The following MTOR variants were observed in gnomAD, a reference collection of about 807,000 sequenced individuals.
MTOR encodes mechanistic target of rapamycin kinase.
A neutral mutation model predicts 319.8 loss-of-function variants in MTOR; 70 were observed. The observed-to-expected ratio is 0.22, with a 90% confidence interval of 0.18 to 0.27. The LOEUF is 0.27. Among genes scored for constraint, MTOR ranks in the 10% least tolerant of loss-of-function variants. MTOR has a pLI of 1.00. For missense variants in MTOR, 1,890 were observed against 3,274.4 expected (o/e 0.58, Z 10.32); for synonymous variants, 1,183 against 1,211.4 (o/e 0.98, Z 0.49).
In MTOR at chr1:11,243,152, G is replaced by C. The variant is rs1209500794; in HGVS notation, c.1374C>G (p.Ile458Met). 1 of 1,614,180 alleles carries C rather than the reference G, an allele frequency of 6.2e-7. No individual in the cohort carries two copies. Among genetic ancestry groups the C allele is most frequent in the South Asian group, 1.1e-5 (1 of 91,080 alleles). ...FKVYLPRVLD[I>M]IRAALPPKDF... ...CCTTTGGGGGCAGGGCCGCTCGGAT[G>C]ATGTCCAGCACGCGAGGCAAATAGA... The change falls in exon 9 of 58, where the codon ATC (isoleucine) becomes ATG (methionine). Residue 458 changes from isoleucine (I) to methionine (M), a missense_variant. Ile to Met is a conservative substitution (Grantham distance 10). Transcript: ENST00000361445.
At chr1:11,261,051 C>G (rs931209925) in intron 1 of MTOR, among the ~76,000 whole-genome samples, 1 of 151,802 alleles carries the variant, frequency 6.6e-6, no homozygotes, top group African/African-American at 2.4e-5. Context: ...CTTGGCCTCC[C>G]AAAGTGCTGG....
chr1:11,115,374 G>A lies in MTOR; in HGVS notation c.7089+22C>T, dbSNP rs748799153. The stretch of plus-strand genomic sequence containing the variant: ...GTGATCACCCGGGAAGATGAGGTTG[G>A]GGTTCTAGAACATGTGTTCACCTCA... On this transcript the variant is annotated intron_variant, in intron 51 of 57. Coordinates refer to ENST00000361445, the MANE Select transcript of MTOR (RefSeq NM_004958.4). The surrounding 1 kb of genome is among the most constrained non-coding windows in gnomAD (Gnocchi z 4.5). 6.2e-6 allele frequency: 10 copies of A among 1,611,494 alleles called. No homozygotes were observed. The highest frequency in any genetic ancestry group is 8.5e-6 in the Non-Finnish European group (10 of 1,177,808).
chr1:11,159,202 C>T (rs1644401418), intron 29 of MTOR, among the ~76,000 whole-genome samples: 1 of 152,178 alleles, frequency 6.6e-6, no homozygotes, highest in Admixed American at 6.5e-5. Context: ...AAGGAGAGAA[C>T]ATCTTGATCT....
intron 6 of MTOR, among the ~76,000 whole-genome samples, chr1:11,250,297 T>C (rs374250663): frequency 1.1e-4 from 9 of 84,008 alleles, no homozygotes; most frequent in East Asian, 4.2e-4. Context: ...CCCTCCCAGA[T>C]GGGGCGGCTG....
At chr1:11,178,906 T>A (rs974616582) in intron 28 of MTOR, among the ~76,000 whole-genome samples, 3 of 152,248 alleles carry the variant, frequency 2.0e-5, no homozygotes, top group Non-Finnish European at 4.4e-5. Context: ...CCTAGTGATC[T>A]GGCAGCTTGT....
rs959202846 is a variant in MTOR, at chr1:11,248,102, T to C, written c.841-8A>G. 9 of 1,571,402 alleles carry C rather than the reference T, an allele frequency of 5.7e-6. No homozygotes were observed. The highest frequency in any genetic ancestry group is 2.7e-5 in the African/African-American group (2 of 73,250). ...CATTTCTTCTCTCAGACGCTATATA[T>C]ATGAGGAGGAAAAAAATCATCTTTA... is the stretch of plus-strand genomic sequence containing the variant. On this transcript the variant is annotated splice_region_variant and splice_polypyrimidine_tract_variant and intron_variant, in intron 6 of 57. Transcript: ENST00000361445.
chr1:11,108,361 C>A, intron 56 of MTOR, 75 bp from the exon 57 acceptor site: 9 of 1,115,774 alleles, frequency 8.1e-6, no homozygotes, highest in Non-Finnish European at 1.2e-5. Flanking sequence ...GTGGGCTTAA[C>A]TGTCTATGCC....
intron 53 of MTOR, 23 bp downstream of exon 53, chr1:11,114,295 C>T (rs1226343761): frequency 1.9e-6 from 3 of 1,612,802 alleles, no homozygotes; most frequent in Non-Finnish European, 2.5e-6. Flanking sequence ...GAGCTCAGCT[C>T]CCAGGCACTT....
intron 28 of MTOR, chr1:11,193,798 A>C (rs1245735837): frequency 1.9e-6 from 3 of 1,612,892 alleles, no homozygotes; most frequent in Non-Finnish European, 2.5e-6. Flanking sequence ...CAGGGGCCCC[A>C]TGACTGGACC....
rs555481951 is a variant in MTOR, at chr1:11,234,022, G to A, written c.2331+121C>T. On this transcript the variant is annotated intron_variant, in intron 14 of 57. Coordinates refer to ENST00000361445, the MANE Select transcript of MTOR (RefSeq NM_004958.4). ...TGATATGGCCCTTTGGTCTCCAAGC[G>A]TGAGAGCAAAGAAATCACCTACTTT... 4.1e-4 allele frequency: 581 copies of A among 1,432,196 alleles called. 3 individuals are homozygous for A. Among genetic ancestry groups the A allele is most frequent in the African/African-American group, 1.8e-3 (129 of 71,082 alleles). 88.7% of individuals were successfully genotyped at this position (1,432,196 alleles called of 1,614,324 possible).
rs1192512411 is a variant in MTOR, at chr1:11,139,356, T to C, written c.5078A>G (p.His1693Arg). ...CATGTAGGCATAGGTCACCTGAGGG[T>C]GAACTGTTGGCAGAGGATGGTCAAG... Reference protein sequence around the residue: ...RQLDHPLPTVHPQVTYAYMKN... With the variant: ...RQLDHPLPTVRPQVTYAYMKN... The change falls in exon 36 of 58, where the codon CAC (histidine) becomes CGC (arginine). Residue 1693 changes from histidine (H) to arginine (R), a missense_variant. Around this residue, in one of 15 missense-constraint regions of MTOR, gnomAD observed 276 missense variants for 459.4 expected, o/e 0.60. Coordinates refer to ENST00000361445, the MANE Select transcript of MTOR (RefSeq NM_004958.4). 1.9e-6 allele frequency: 3 copies of C among 1,613,172 alleles called. No homozygotes were observed. The highest frequency in any genetic ancestry group is 3.4e-5 in the Admixed American group (2 of 59,594).
At chr1:11,207,036 T>C (rs138965742) in intron 25 of MTOR, among the ~76,000 whole-genome samples, 15 of 152,354 alleles carry the variant, frequency 9.8e-5, no homozygotes, top group Admixed American at 5.2e-4. Context: ...CAATCCCTAA[T>C]TATCATCACA....
At chr1:11,207,299 G>A (rs1327678651) in intron 25 of MTOR, among the ~76,000 whole-genome samples, 1 of 150,914 alleles carries the variant, frequency 6.6e-6, no homozygotes, top group Non-Finnish European at 1.5e-5. Context: ...GGGGAATTTT[G>A]CCATGTTGCC....
Position 11,212,271 on chromosome 1 carries a change from T to C in MTOR, c.3561+41A>G, listed in dbSNP as rs764642631. ...TCACAGACAAAGTCTTCTTTCCAAA[T>C]AAGGCAGAAGAGCACCTGTCTGTCC... is the stretch of plus-strand genomic sequence containing the variant. On this transcript the variant is annotated intron_variant, in intron 23 of 57. Transcript: ENST00000361445. The surrounding 1 kb of genome is among the most constrained non-coding windows in gnomAD (Gnocchi z 4.1). The C allele has an allele frequency of 6.4e-7, 1 of 1,568,942 alleles. No individual in the cohort carries two copies. The highest frequency in any genetic ancestry group is 8.6e-7 in the Non-Finnish European group (1 of 1,157,010).
intron 4 of MTOR, 88 bp from the exon 5 acceptor site, chr1:11,256,280 C>A (rs1443979492): frequency 1.3e-6 from 2 of 1,512,536 alleles, no homozygotes; most frequent in Non-Finnish European, 1.8e-6. Context: ...TAGAGCCATA[C>A]ACACCAGGAA....
chr1:11,196,200 A>G (rs1432830601), intron 28 of MTOR, among the ~76,000 whole-genome samples: 1 of 152,182 alleles, frequency 6.6e-6, no homozygotes, highest in Non-Finnish European at 1.5e-5. Context: ...TGGGCAGTGA[A>G]GGCATCCAGC....
rs542945027 is a variant in MTOR, at chr1:11,175,998, T to A, written c.4254-8481A>T. ...CCTGACCTCAAATGATCTAACCGCC[T>A]CAGCCTCCCAAAGTGCTGGGATTAC... On this transcript the variant is annotated intron_variant, in intron 28 of 57. Coordinates refer to ENST00000361445, the MANE Select transcript of MTOR (RefSeq NM_004958.4). Among the ~76,000 whole-genome samples the A allele has an allele frequency of 2.0e-5, 3 of 152,264 alleles. No individual in the cohort carries two copies. The South Asian group carries it at 6.2e-4, about 32-fold the overall frequency.
At chr1:11,202,420 C>CAAAAAAAA (rs35136193) in intron 26 of MTOR, among the ~76,000 whole-genome samples, 1 of 72,156 alleles carries the variant, frequency 1.4e-5, no homozygotes, top group African/African-American at 6.3e-5. Flanking sequence ...AACTCCGTCT[C>CAAAAAAAA]AAAAAAAAAA....
chr1:11,113,866 T>G lies in MTOR; in HGVS notation c.7300+452A>C, dbSNP rs142829913. ...CCCATGTGTTGTGGGAGGGACCTCA[T>G]GGGAGGTGATTAGATCATGGGGATG... On this transcript the variant is annotated intron_variant, in intron 53 of 57. Coordinates refer to ENST00000361445, the MANE Select transcript of MTOR (RefSeq NM_004958.4). Among the ~76,000 whole-genome samples the G allele has an allele frequency of 8.5e-5, 13 of 152,302 alleles. No homozygotes were observed. The East Asian group carries it at 2.5e-3, about 29-fold the overall frequency.
Sources: allele counts gnomAD v4.1 joint callset (sites outside exome capture counted in the v4.1 genomes callset), GRCh38; gene constraint gnomAD v4.1.1; regional missense constraint gnomAD v4.1.1; non-coding constraint Gnocchi (gnomAD v3.1); transcripts MANE v1.5; gene names NCBI Gene and HGNC (gene_info 2026-07-23, HGNC 2026-07-21).